Variants in TXNDC16 observed in about 807,000 individuals in gnomAD.
TXNDC16 encodes the protein thioredoxin domain containing 16.
Under a neutral mutation model 85.6 loss-of-function variants are expected in TXNDC16, and 74 were observed. The observed-to-expected ratio is 0.86, with a 90% confidence interval of 0.72 to 1.05. The LOEUF is 1.05. TXNDC16 is among the 50% of genes least tolerant of loss of function. The pLI is 0.00. For synonymous variants in TXNDC16, 335 were observed against 326.5 expected, an observed-to-expected ratio of 1.03 and a Z score of -0.28; for missense variants, 959 against 947.0, an observed-to-expected ratio of 1.01 and a Z score of -0.17.
chr14:52,496,059 C>G (rs1422306262), intron 9 of TXNDC16, among the ~76,000 whole-genome samples: 1 of 151,690 alleles, frequency 6.6e-6, no homozygotes, highest in Non-Finnish European at 1.5e-5. Flanking sequence ...ACTCGGGAGG[C>G]TGAGGCAGGA....
At chr14:52,539,930 A>G (rs2037791164) in intron 4 of TXNDC16, among the ~76,000 whole-genome samples, 1 of 152,204 alleles carries the variant, frequency 6.6e-6, no homozygotes, top group Non-Finnish European at 1.5e-5. Flanking sequence ...AGAATTAAAC[A>G]TTACAGCTTG....
intron 16 of TXNDC16, among the ~76,000 whole-genome samples, chr14:52,458,392 TACTAAAATACAAAAATTA>T (rs2035581212): frequency 6.6e-6 from 1 of 152,100 alleles, no homozygotes; most frequent in Non-Finnish European, 1.5e-5. Context: ...ACCCCATCTC[TACTAAAATACAAAAATTA>T]GCTGGGCATG....
intron 9 of TXNDC16, among the ~76,000 whole-genome samples, chr14:52,503,199 T>C (rs914849215): frequency 5.9e-5 from 9 of 152,228 alleles, no homozygotes; most frequent in African/African-American, 2.2e-4. Context: ...CAGACTTAAA[T>C]GTCCCTGTCT....
chr14:52,550,580 T>C (rs1296753069), intron 1 of TXNDC16, among the ~76,000 whole-genome samples: 1 of 152,340 alleles, frequency 6.6e-6, no homozygotes, highest in Non-Finnish European at 1.5e-5. Flanking sequence ...ACATGGCAGG[T>C]GGCAGGTAAG....
chr14:52,528,696 C>G (rs977113909), intron 6 of TXNDC16, among the ~76,000 whole-genome samples: 2 of 150,344 alleles, frequency 1.3e-5, no homozygotes, highest in African/African-American at 4.9e-5. Flanking sequence ...AAGTGAAATA[C>G]TATTTTGTTT....
chr14:52,536,652 G>C, intron 6 of TXNDC16, 67 bp downstream of exon 6: 5 of 1,277,098 alleles, frequency 3.9e-6, no homozygotes, highest in Non-Finnish European at 4.4e-6. Context: ...ATGAATTGTG[G>C]TTATTTAAAA....
chr14:52,492,998 C>G (rs1271891214), intron 9 of TXNDC16, among the ~76,000 whole-genome samples: 2 of 151,960 alleles, frequency 1.3e-5, no homozygotes, highest in Non-Finnish European at 2.9e-5. Flanking sequence ...ATGAAAAGGT[C>G]AGGCACGATG....
In TXNDC16 at chr14:52,432,328, C is replaced by G; in HGVS notation, c.2454G>C (p.Glu818Asp). ...EAEKSFRRDKELGCSKVN is the reference protein window; with the variant it reads ...EAEKSFRRDKDLGCSKVN ...ATTAGTTCACTTTTGAGCATCCTAA[C>G]TCTTTATCACGTCTAAATGATTTTT... Residue 818 changes from glutamate to aspartate, a missense_variant, in exon 21 of 21, where the codon GAG becomes GAC. Glu to Asp is a conservative substitution (Grantham distance 45, BLOSUM62 2). Transcript: ENST00000281741. 6.2e-7 allele frequency: 1 copy of G among 1,612,712 alleles called. No homozygotes were observed. Among genetic ancestry groups the G allele is most frequent in the East Asian group, 2.2e-5 (1 of 44,834 alleles).
At chr14:52,463,492 T>G (rs989089477) in intron 16 of TXNDC16, among the ~76,000 whole-genome samples, 2 of 152,098 alleles carry the variant, frequency 1.3e-5, no homozygotes, top group African/African-American at 2.4e-5. Flanking sequence ...CAAACCAGAA[T>G]AGGTTCATGG....
intron 9 of TXNDC16, among the ~76,000 whole-genome samples, chr14:52,510,495 T>C (rs1237499094): frequency 1.3e-5 from 2 of 152,322 alleles, no homozygotes; most frequent in South Asian, 4.1e-4. Context: ...AATCCATTCA[T>C]TCCCCTAACT....
At chr14:52,432,835 T>A (rs2034936797) in intron 20 of TXNDC16, among the ~76,000 whole-genome samples, 1 of 152,124 alleles carries the variant, frequency 6.6e-6, no homozygotes, top group Non-Finnish European at 1.5e-5. Flanking sequence ...AAAAAAAGTA[T>A]GAATAGGGGA....
intron 12 of TXNDC16, among the ~76,000 whole-genome samples, chr14:52,485,215 G>C (rs2036240703): frequency 6.6e-6 from 1 of 152,084 alleles, no homozygotes; most frequent in African/African-American, 2.4e-5. Context: ...GTGTGTTTGT[G>C]TTTTCGTTTT....
Position 52,543,478 on chromosome 14 carries a change from G to C in TXNDC16, c.80C>G (p.Ser27Cys). The C allele has an allele frequency of 6.2e-7, 1 of 1,613,710 alleles. No individual in the cohort carries two copies. Among genetic ancestry groups the C allele is most frequent in the Non-Finnish European group, 8.5e-7 (1 of 1,179,756 alleles). Residue 27 changes from serine to cysteine, a missense_variant, in exon 3 of 21, where the codon TCT (serine) becomes TGT (cysteine). Coordinates refer to ENST00000281741, the MANE Select transcript of TXNDC16 (RefSeq NM_020784.3). ...TTTCTGAGGACTCAGTTCTGGTAAA[G>C]AGTTTACTGTTGGCATGTAAAAAAT... ...MCIFYMPTVNSLPELSPQKYF... is the reference protein window; with the variant it reads ...MCIFYMPTVNCLPELSPQKYF...
intron 20 of TXNDC16, among the ~76,000 whole-genome samples, chr14:52,434,506 A>T (rs752613135): frequency 6.6e-6 from 1 of 152,238 alleles, no homozygotes; most frequent in Non-Finnish European, 1.5e-5. Flanking sequence ...TTACAATTTT[A>T]TAGACGAGAA....
intron 6 of TXNDC16, among the ~76,000 whole-genome samples, chr14:52,524,777 C>A (rs190240900): frequency 1.2e-4 from 18 of 151,876 alleles, no homozygotes; most frequent in African/African-American, 3.9e-4. Context: ...TTACAGTGTG[C>A]GCCACCTCAC....
At chr14:52,452,452 C>T (rs1411755516) in intron 18 of TXNDC16, among the ~76,000 whole-genome samples, 1 of 152,066 alleles carries the variant, frequency 6.6e-6, no homozygotes, top group Non-Finnish European at 1.5e-5. Flanking sequence ...GCTATAGTAA[C>T]CAAAGTGACA....
intron 6 of TXNDC16, among the ~76,000 whole-genome samples, chr14:52,527,172 G>A (rs1403608071): frequency 6.6e-6 from 1 of 152,196 alleles, no homozygotes; most frequent in Non-Finnish European, 1.5e-5. Context: ...TTGGAGCCAT[G>A]AGAACCCCAA....
At chr14:52,539,418 G>C (rs1403733863) in intron 4 of TXNDC16, among the ~76,000 whole-genome samples, 1 of 152,176 alleles carries the variant, frequency 6.6e-6, no homozygotes, top group African/African-American at 2.4e-5. Flanking sequence ...TATGTATTAA[G>C]AACGAACTGA....
chr14:52,455,824 G>C (rs2140115780), intron 17 of TXNDC16, among the ~76,000 whole-genome samples: 1 of 152,276 alleles, frequency 6.6e-6, no homozygotes, highest in East Asian at 1.9e-4. Context: ...GCATTTATGA[G>C]AAACCTACTA....
Sources: allele counts gnomAD v4.1 joint callset (sites outside exome capture counted in the v4.1 genomes callset), GRCh38; gene constraint gnomAD v4.1.1; transcripts MANE v1.5; gene names NCBI Gene and HGNC (gene_info 2026-07-23, HGNC 2026-07-21).